TBXAS1: variants seen among roughly 807,000 people sequenced by gnomAD.
The protein encoded by TBXAS1 is thromboxane A synthase 1, also known as thromboxane-A synthase.
A neutral mutation model predicts 60.7 loss-of-function variants in TBXAS1; 48 were observed. That is an observed-to-expected ratio of 0.79 (90% CI 0.63 to 1.01). The LOEUF is 1.01. Among genes scored for constraint, TBXAS1 ranks in the 50% least tolerant of loss-of-function variants. The probability of loss-of-function intolerance (pLI) is 0.00; values close to 1 mark genes in which losing one functional copy is unlikely to be tolerated. For synonymous variants in TBXAS1, 287 were observed against 269.7 expected (o/e 1.06, Z -0.63); for missense variants, 685 against 686.3 (o/e 1.00, Z 0.02).
At chr7:139,904,423 A>G (rs1201870906) in intron 3 of TBXAS1, among the ~76,000 whole-genome samples, 1 of 152,098 alleles carries the variant, frequency 6.6e-6, no homozygotes, top group Admixed American at 6.5e-5. Flanking sequence ...TGCTTTGGCT[A>G]TGCAGGCTCT....
chr7:140,012,561 C>T (rs542092554), intron 10 of TBXAS1, among the ~76,000 whole-genome samples: 116 of 151,904 alleles, frequency 7.6e-4, no homozygotes, highest in African/African-American at 2.7e-3. Context: ...CGGGTTCAAG[C>T]GATTCTCGTG....
chr7:139,887,635 T>G (rs1305468420), intron 3 of TBXAS1, among the ~76,000 whole-genome samples: 2 of 152,250 alleles, frequency 1.3e-5, no homozygotes, highest in Non-Finnish European at 2.9e-5. Context: ...TAATATTCCA[T>G]TGTAAGCCTA....
At chr7:139,903,595 C>T (rs552871580) in intron 3 of TBXAS1, among the ~76,000 whole-genome samples, 9 of 152,090 alleles carry the variant, frequency 5.9e-5, no homozygotes, top group African/African-American at 9.7e-5. Context: ...ACTGCATCCA[C>T]GCCAACATCT....
chr7:139,875,887 T>C (rs1584742060), intron 3 of TBXAS1: 2 of 546,600 alleles, frequency 3.7e-6, no homozygotes, highest in East Asian at 6.5e-5. Context: ...CTTTGCAGCC[T>C]TGCTGGGCTG....
chr7:139,937,099 GC>G (rs1261584714), intron 5 of TBXAS1, among the ~76,000 whole-genome samples: 1 of 152,208 alleles, frequency 6.6e-6, no homozygotes, highest in Non-Finnish European at 1.5e-5. Flanking sequence ...AAGCCTGACA[GC>G]CCCCTCAATT....
intron 6 of TBXAS1, among the ~76,000 whole-genome samples, chr7:139,953,964 T>G (rs1010097234): frequency 1.8e-4 from 27 of 152,196 alleles, no homozygotes; most frequent in Admixed American, 6.5e-5. Flanking sequence ...GCATTGAATG[T>G]GGCCCAACAC....
chr7:140,018,064 C>T (rs958439859), intron 12 of TBXAS1, among the ~76,000 whole-genome samples: 1 of 152,216 alleles, frequency 6.6e-6, no homozygotes, highest in African/African-American at 2.4e-5. Flanking sequence ...GTTCACACAG[C>T]GCTCAGGTAA....
At chr7:139,972,115 CTT>C (rs1326100143) in intron 9 of TBXAS1, among the ~76,000 whole-genome samples, 1 of 152,220 alleles carries the variant, frequency 6.6e-6, no homozygotes, top group Non-Finnish European at 1.5e-5. Flanking sequence ...CACTCCAGCA[CTT>C]TGAATTTTTA....
At chr7:139,879,384 A>T (rs1355588333) in intron 3 of TBXAS1, among the ~76,000 whole-genome samples, 2 of 151,440 alleles carry the variant, frequency 1.3e-5, no homozygotes, top group Admixed American at 1.4e-4. Flanking sequence ...GGTACGTGAT[A>T]AAAAACTCTC....
intron 4 of TBXAS1, among the ~76,000 whole-genome samples, chr7:139,818,663 G>A (rs376114769): frequency 1.1e-4 from 16 of 152,150 alleles, no homozygotes; most frequent in South Asian, 1.0e-3. Context: ...TGCCTGGGTC[G>A]CAGTGCCCCC....
intron 10 of TBXAS1, among the ~76,000 whole-genome samples, chr7:140,011,463 T>A (rs1814614610): frequency 6.6e-6 from 1 of 152,218 alleles, no homozygotes; most frequent in Admixed American, 6.5e-5. Context: ...TAGTCTACCC[T>A]TTAAAAGTAA....
At chr7:139,876,875 G>A (rs1047227111) in intron 3 of TBXAS1, among the ~76,000 whole-genome samples, 2 of 152,072 alleles carry the variant, frequency 1.3e-5, no homozygotes, top group East Asian at 1.9e-4. Flanking sequence ...GGATGGCTCC[G>A]CTGGACTTCT....
intron 11 of TBXAS1, chr7:140,016,531 C>A: frequency 5.0e-6 from 1 of 201,368 alleles, no homozygotes; most frequent in Non-Finnish European, 1.0e-5. Flanking sequence ...TGGAAAGTAA[C>A]GGAACATCAT....
In TBXAS1 at chr7:139,999,601, T is replaced by A. The variant is rs1019592560; in HGVS notation, c.1135-7490T>A. 6.6e-6 allele frequency among the ~76,000 whole-genome samples: 1 copy of A among 152,216 alleles called. No homozygotes were observed. The highest frequency in any genetic ancestry group is 1.5e-5 in the Non-Finnish European group (1 of 68,050). On this transcript the variant is annotated intron_variant, in intron 9 of 12. Transcript: ENST00000448866. This position sits in a 1 kb window ranked among gnomAD's most constrained non-coding sequence, Gnocchi z 4.3. ...GGGCAAAGCGAAGGTCACCCCATTT[T>A]CCACGGCTTGGTTTCATATTATAGT...
At chr7:139,848,035 G>T (rs901162882) in intron 1 of TBXAS1, among the ~76,000 whole-genome samples, 1 of 151,964 alleles carries the variant, frequency 6.6e-6, no homozygotes, top group African/African-American at 2.4e-5. Context: ...TTCCCAGGCT[G>T]GTCTCAAGCT....
chr7:139,822,375 G>A (rs542707848), intron 4 of TBXAS1, among the ~76,000 whole-genome samples: 11 of 152,024 alleles, frequency 7.2e-5, no homozygotes, highest in Admixed American at 6.5e-5. Context: ...CCTCAACTCC[G>A]TGCTTCCCTT....
chr7:140,008,553 T>G (rs1389273865), intron 10 of TBXAS1, among the ~76,000 whole-genome samples: 2 of 150,908 alleles, frequency 1.3e-5, no homozygotes, highest in African/African-American at 4.9e-5. Flanking sequence ...GTTCAAGAGA[T>G]CCTCCTGTCT....
intron 5 of TBXAS1, among the ~76,000 whole-genome samples, chr7:139,941,501 T>C (rs1166955577): frequency 6.6e-6 from 1 of 152,162 alleles, no homozygotes; most frequent in Non-Finnish European, 1.5e-5. Context: ...GAAAATGTGA[T>C]TCATGCATCT....
chr7:139,956,748 CTG>C (rs1809898276), intron 7 of TBXAS1, among the ~76,000 whole-genome samples: 1 of 152,274 alleles, frequency 6.6e-6, no homozygotes, highest in African/African-American at 2.4e-5. Flanking sequence ...GCAGCGCAGG[CTG>C]TGTCTGCCCC....
Sources: allele counts gnomAD v4.1 joint callset (sites outside exome capture counted in the v4.1 genomes callset), GRCh38; gene constraint gnomAD v4.1.1; non-coding constraint Gnocchi (gnomAD v3.1); transcripts MANE v1.5; gene names NCBI Gene and HGNC (gene_info 2026-07-23, HGNC 2026-07-21).